The following KCNQ1 variants were observed in gnomAD, a reference collection of about 807,000 sequenced individuals.
The protein encoded by KCNQ1 is potassium voltage-gated channel subfamily Q member 1, also known as potassium voltage-gated channel subfamily KQT member 1.
Under a neutral mutation model 72.4 loss-of-function variants are expected in KCNQ1, and 49 were observed. The ratio of observed to expected loss-of-function variants is 0.68; its 90% confidence interval spans 0.54 to 0.86. KCNQ1 has a LOEUF of 0.86. Among genes scored for constraint, KCNQ1 ranks in the 40% least tolerant of loss-of-function variants. KCNQ1 has a pLI of 0.00. For synonymous variants in KCNQ1, 450 were observed against 412.6 expected, an observed-to-expected ratio of 1.09 and a Z score of -1.10; for missense variants, 790 against 945.1, an observed-to-expected ratio of 0.84 and a Z score of 2.15.
chr11:2,518,899 G>T (rs1847330360), intron 1 of KCNQ1, among the ~76,000 whole-genome samples: 2 of 152,232 alleles, frequency 1.3e-5, no homozygotes. Flanking sequence ...CCAGTCTGGT[G>T]GGGAGGCGTC....
intron 1 of KCNQ1, among the ~76,000 whole-genome samples, chr11:2,500,597 C>T (rs1051842603): frequency 1.7e-4 from 26 of 152,192 alleles, no homozygotes; most frequent in Non-Finnish European, 3.1e-4. Flanking sequence ...CACCACTATT[C>T]ACAATAGCAA....
rs1846175939 is a variant in KCNQ1 at position 2,748,707 on chromosome 11, C to T, written c.1515-20137C>T. Among the ~76,000 whole-genome samples the T allele has an allele frequency of 6.6e-6, 1 of 152,228 alleles. No homozygotes were observed. On this transcript the variant is annotated intron_variant, in intron 11 of 15. Coordinates refer to ENST00000155840, the MANE Select transcript of KCNQ1 (RefSeq NM_000218.3). The surrounding 1 kb of genome is among the most constrained non-coding windows in gnomAD (Gnocchi z 6.2). Reference sequence around the variant, plus strand: ...ACAGAGCTTCGGGTCCAGCCAGCTGCTGCTGCCCCTCCCTCTGGGCCTCAA... The same window carrying T: ...ACAGAGCTTCGGGTCCAGCCAGCTGTTGCTGCCCCTCCCTCTGGGCCTCAA...
At position 2,538,085 on chromosome 11, in the gene KCNQ1, C is replaced by T. The variant is rs773882286; in HGVS notation, c.477+10067C>T. The stretch of plus-strand genomic sequence containing the variant: ...AGTATGACCGTTTCTCCGTATAAAG[C>T]CCGTGTATATCCTCTGGAATGAGGA... On this transcript the variant is annotated intron_variant, in intron 2 of 15. Coordinates refer to ENST00000155840, the MANE Select transcript of KCNQ1 (RefSeq NM_000218.3). This position sits in a 1 kb window ranked among gnomAD's most constrained non-coding sequence, Gnocchi z 6.7. 6.6e-6 allele frequency among the ~76,000 whole-genome samples: 1 copy of T among 152,162 alleles called. No homozygotes were observed. Among genetic ancestry groups the T allele is most frequent in the African/African-American group, 2.4e-5 (1 of 41,432 alleles).
chr11:2,728,767 G>A (rs190655800), intron 11 of KCNQ1, among the ~76,000 whole-genome samples: 246 of 152,334 alleles, frequency 1.6e-3, no homozygotes, highest in Admixed American at 0.015. Context: ...AGCTGAGGCC[G>A]GAGCAGAGCG....
Position 2,691,687 on chromosome 11 carries a change from G to T in KCNQ1, c.1514+29606G>T, listed in dbSNP as rs946399278. On this transcript the variant is annotated intron_variant, in intron 11 of 15. Coordinates refer to ENST00000155840, the MANE Select transcript of KCNQ1 (RefSeq NM_000218.3). The surrounding 1 kb of genome is among the most constrained non-coding windows in gnomAD (Gnocchi z 6.4). ...AAACAGAGAACCAGGTGGGGAAGGG[G>T]TCTCTCCCCATCTGTCCAGGGGAGA... is the stretch of plus-strand genomic sequence containing the variant. 5 of 398,520 alleles carry T rather than the reference G, an allele frequency of 1.3e-5. No homozygotes were observed. The highest frequency in any genetic ancestry group is 2.2e-5 in the Non-Finnish European group (5 of 226,066). 24.7% of individuals were successfully genotyped at this position (398,520 alleles called of 1,614,324 possible).
At chr11:2,560,782 G>A (rs567239923) in intron 2 of KCNQ1, among the ~76,000 whole-genome samples, 30 of 152,088 alleles carry the variant, frequency 2.0e-4, no homozygotes, top group Admixed American at 3.3e-4. Flanking sequence ...CTTGCAGGTG[G>A]AGAAGGCGGG....
At chr11:2,833,918 T>C (rs1848008937) in intron 15 of KCNQ1, among the ~76,000 whole-genome samples, 1 of 152,132 alleles carries the variant, frequency 6.6e-6, no homozygotes, top group Non-Finnish European at 1.5e-5. Context: ...CCCCAGCAAC[T>C]TCCTGCCCTC....
chr11:2,496,867 A>T (rs1267384382), intron 1 of KCNQ1, among the ~76,000 whole-genome samples: 1 of 43,676 alleles, frequency 2.3e-5, no homozygotes, highest in East Asian at 6.4e-4. Flanking sequence ...GAGCTCTTGT[A>T]AGGCAAGCCT....
intron 1 of KCNQ1, among the ~76,000 whole-genome samples, chr11:2,513,213 T>A: frequency 6.6e-6 from 1 of 152,126 alleles, no homozygotes; most frequent in East Asian, 1.9e-4. Context: ...CCTGGCCGTG[T>A]CATTGCACAA....
intron 11 of KCNQ1, among the ~76,000 whole-genome samples, chr11:2,739,884 A>G (rs1238423159): frequency 2.0e-5 from 3 of 152,202 alleles, no homozygotes; most frequent in African/African-American, 7.2e-5. Flanking sequence ...GCCAGCCCCT[A>G]TGGGTCGGGA....
chr11:2,843,388 G>A (rs1403373795), intron 15 of KCNQ1, among the ~76,000 whole-genome samples: 3 of 152,244 alleles, frequency 2.0e-5, no homozygotes, highest in Non-Finnish European at 4.4e-5. Context: ...CCTCAGGACA[G>A]ACAGGAGGAA....
rs1316465420 is a variant in KCNQ1 at position 2,698,727 on chromosome 11, G to C, written c.1514+36646G>C. The C allele has an allele frequency of 1.8e-5, 7 of 398,554 alleles. No individual in the cohort carries two copies. Among genetic ancestry groups the C allele is most frequent in the Non-Finnish European group, 2.7e-5 (6 of 226,184 alleles). The allele number at this position is 398,554 out of a possible 1,614,324, so 24.7% of individuals were successfully genotyped here. On this transcript the variant is annotated intron_variant, in intron 11 of 15. Coordinates refer to ENST00000155840, the MANE Select transcript of KCNQ1 (RefSeq NM_000218.3). The surrounding 1 kb of genome is among the most constrained non-coding windows in gnomAD (Gnocchi z 5.1). The stretch of plus-strand genomic sequence containing the variant: ...AGACCCTGACTCCAGTCGCCAACTC[G>C]GACCTCCCTTGGATCTCAACTCAGA...
intron 10 of KCNQ1, chr11:2,655,884 C>T: frequency 2.5e-6 from 1 of 398,694 alleles, no homozygotes; most frequent in East Asian, 3.6e-5. Flanking sequence ...CTTCTCTGCC[C>T]CTTGTTATAG....
chr11:2,659,420 G>A lies in KCNQ1; in HGVS notation c.1394-2541G>A, dbSNP rs1290480557. 3 of 398,420 alleles carry A rather than the reference G, an allele frequency of 7.5e-6. No individual in the cohort carries two copies. The highest frequency in any genetic ancestry group is 6.2e-5 in the African/African-American group (3 of 48,622). The allele number at this position is 398,420 out of a possible 1,614,324, so 24.7% of individuals were successfully genotyped here. A position where few individuals can be genotyped will look rare whatever the true frequency, so the allele number is the denominator to read the frequency against. On this transcript the variant is annotated intron_variant, in intron 10 of 15. Transcript: ENST00000155840. The surrounding 1 kb of genome is among the most constrained non-coding windows in gnomAD (Gnocchi z 4.3). ...AATGCATTTGAGATTCATCCATGTT[G>A]TTGCATAAATCATTAGTTAATTTCT...
In KCNQ1 at chr11:2,623,350, T is replaced by C. The variant is rs961685894; in HGVS notation, c.1393+34496T>C. ...TATGCATGTATCTACCATTATAGTATCATACAGATACGTATATTTACATAT... is the reference window on the plus strand; with the variant it reads ...TATGCATGTATCTACCATTATAGTACCATACAGATACGTATATTTACATAT... On this transcript the variant is annotated intron_variant, in intron 10 of 15. Transcript: ENST00000155840. This position sits in a 1 kb window ranked among gnomAD's most constrained non-coding sequence, Gnocchi z 5.2. 19 of 398,552 alleles carry C rather than the reference T, an allele frequency of 4.8e-5. No individual in the cohort carries two copies. Among genetic ancestry groups the C allele is most frequent in the Middle Eastern group, 6.1e-4 (1 of 1,642 alleles). 24.7% of individuals were successfully genotyped at this position (398,552 alleles called of 1,614,324 possible).
chr11:2,650,918 A>G (rs887418086), intron 10 of KCNQ1: 1 of 398,618 alleles, frequency 2.5e-6, no homozygotes, highest in African/African-American at 2.1e-5. Flanking sequence ...AGCCTGGCTG[A>G]AAGTCTTTTT....
In KCNQ1 at chr11:2,562,843, G is replaced by T. The variant is rs1303244257; in HGVS notation, c.478-7785G>T. 2.6e-5 allele frequency among the ~76,000 whole-genome samples: 4 copies of T among 152,112 alleles called. No individual in the cohort carries two copies. The highest frequency in any genetic ancestry group is 9.7e-5 in the African/African-American group (4 of 41,416). On this transcript the variant is annotated intron_variant, in intron 2 of 15. Transcript: ENST00000155840. This position sits in a 1 kb window ranked among gnomAD's most constrained non-coding sequence, Gnocchi z 7.5. ...CCACAAAGCTCAGCTCTGATCCTTC[G>T]TATTTAATCTTCATCTTCCGCCGTC... is the stretch of plus-strand genomic sequence containing the variant.
At chr11:2,846,697 G>T (rs981897451) in intron 15 of KCNQ1, among the ~76,000 whole-genome samples, 2 of 152,240 alleles carry the variant, frequency 1.3e-5, no homozygotes, top group African/African-American at 4.8e-5. Flanking sequence ...CCCCATCAAG[G>T]CTGGATGGCC....
chr11:2,552,825 G>C (rs548665505), intron 2 of KCNQ1, among the ~76,000 whole-genome samples: 1 of 149,676 alleles, frequency 6.7e-6, no homozygotes, highest in Non-Finnish European at 1.5e-5. Context: ...ACACTGTCTC[G>C]CTCCCCAGTG....
Sources: gnomAD v4.1 joint callset for allele counts (sites outside exome capture counted in the v4.1 genomes callset) on GRCh38, gnomAD v4.1.1 for gene constraint, Gnocchi (gnomAD v3.1) non-coding constraint, MANE v1.5 for transcripts, NCBI Gene and HGNC (gene_info 2026-07-23, HGNC 2026-07-21) for gene names.